SLC10A7: variants seen among roughly 807,000 people sequenced by gnomAD.
SLC10A7 encodes the protein solute carrier family 10 member 7.
A neutral mutation model predicts 43.2 loss-of-function variants in SLC10A7; 29 were observed. The ratio of observed to expected loss-of-function variants is 0.67; its 90% CI spans 0.50 to 0.92. SLC10A7 has a LOEUF of 0.92. SLC10A7 is among the 40% of genes least tolerant of loss of function. The pLI is 0.00. For synonymous variants in SLC10A7, 152 were observed against 144.8 expected, an observed-to-expected ratio of 1.05 and a Z score of -0.35; for missense variants, 295 against 403.2, an observed-to-expected ratio of 0.73 and a Z score of 2.30.
At chr4:146,400,889 G>T (rs928710536) in intron 5 of SLC10A7, among the ~76,000 whole-genome samples, 5 of 152,176 alleles carry the variant, frequency 3.3e-5, no homozygotes, top group Non-Finnish European at 7.3e-5. Context: ...AAGTGAGTCT[G>T]CATGCACTAA....
chr4:146,276,581 A>G (rs1729220703), intron 10 of SLC10A7, among the ~76,000 whole-genome samples: 1 of 152,188 alleles, frequency 6.6e-6, no homozygotes, highest in Non-Finnish European at 1.5e-5. Context: ...AATAAAAGAA[A>G]TCTTATGCAA....
intron 4 of SLC10A7, among the ~76,000 whole-genome samples, chr4:146,496,940 A>G (rs1735954499): frequency 6.6e-6 from 1 of 152,184 alleles, no homozygotes; most frequent in Non-Finnish European, 1.5e-5. Flanking sequence ...ATGCTTAACA[A>G]TTGGTTGAAT....
At chr4:146,510,990 T>C (rs139835715) in intron 2 of SLC10A7, among the ~76,000 whole-genome samples, 137 of 152,348 alleles carry the variant, frequency 9.0e-4, no homozygotes, top group Non-Finnish European at 1.4e-3. Context: ...TCACTTTACA[T>C]GTTATCTCAC....
At chr4:146,487,162 C>CA (rs1462451550) in intron 4 of SLC10A7, among the ~76,000 whole-genome samples, 37 of 152,010 alleles carry the variant, frequency 2.4e-4, no homozygotes, top group Admixed American at 2.4e-3. Context: ...AGAGGCTTTT[C>CA]AAAAAAATGC....
intron 4 of SLC10A7, among the ~76,000 whole-genome samples, chr4:146,469,069 G>A (rs900812934): frequency 6.6e-6 from 1 of 152,064 alleles, no homozygotes; most frequent in Non-Finnish European, 1.5e-5. Context: ...GCTGAATGGG[G>A]AGCACAACCA....
At chr4:146,405,326 G>A (rs1042374322) in intron 5 of SLC10A7, among the ~76,000 whole-genome samples, 1 of 151,966 alleles carries the variant, frequency 6.6e-6, no homozygotes, top group African/African-American at 2.4e-5. Context: ...GTCCTTATAT[G>A]TCAATTCCTC....
chr4:146,485,876 C>T lies in SLC10A7; in HGVS notation c.396+17973G>A, dbSNP rs143840236. Among the ~76,000 whole-genome samples, 524 of 150,748 alleles carry T rather than the reference C, an allele frequency of 3.5e-3. 5 individuals carry two copies. Among genetic ancestry groups the T allele is most frequent in the African/African-American group, 0.012 (499 of 40,878 alleles). On this transcript the variant is annotated intron_variant, in intron 4 of 11. Coordinates refer to ENST00000335472, the MANE Select transcript of SLC10A7 (RefSeq NM_001029998.6). ...CAGAAGAGATAAGGAGAGACAATGA[C>T]GAAAGAAAAGGAGGGAAAAGGCAGG...
intron 10 of SLC10A7, among the ~76,000 whole-genome samples, chr4:146,259,342 A>C (rs947305998): frequency 1.3e-5 from 2 of 152,228 alleles, no homozygotes; most frequent in Non-Finnish European, 2.9e-5. Flanking sequence ...ATTTTAGTCA[A>C]CTGGACCTTA....
intron 5 of SLC10A7, among the ~76,000 whole-genome samples, chr4:146,333,946 C>A (rs1733708272): frequency 6.6e-6 from 1 of 152,054 alleles, no homozygotes; most frequent in Non-Finnish European, 1.5e-5. Flanking sequence ...GGATCTTAGT[C>A]ATCAAGATGG....
chr4:146,440,297 T>TTTTC (rs1730503284), intron 5 of SLC10A7, among the ~76,000 whole-genome samples: 1 of 151,884 alleles, frequency 6.6e-6, no homozygotes, highest in African/African-American at 2.4e-5. Flanking sequence ...TTTCTTTTTT[T>TTTTC]TTTTGAGACA....
At chr4:146,407,650 A>C (rs1301402393) in intron 5 of SLC10A7, among the ~76,000 whole-genome samples, 1 of 152,230 alleles carries the variant, frequency 6.6e-6, no homozygotes, top group Non-Finnish European at 1.5e-5. Context: ...ATCTTTAAAC[A>C]AACAGCTACT....
chr4:146,324,377 T>C (rs72729818), intron 6 of SLC10A7, among the ~76,000 whole-genome samples: 6,451 of 152,236 alleles, frequency 0.042, 172 homozygotes, highest in Middle Eastern at 0.071. Context: ...TCTTTGGTTC[T>C]TTAATCACAA....
chr4:146,429,654 C>G (rs889199508), intron 5 of SLC10A7, among the ~76,000 whole-genome samples: 6 of 149,238 alleles, frequency 4.0e-5, no homozygotes, highest in African/African-American at 1.5e-4. Flanking sequence ...TTCAAATTAA[C>G]TACACTAACC....
At chr4:146,417,920 G>C (rs1728686037) in intron 5 of SLC10A7, among the ~76,000 whole-genome samples, 1 of 152,010 alleles carries the variant, frequency 6.6e-6, no homozygotes, top group African/African-American at 2.4e-5. Context: ...TGAAAGGTTT[G>C]CAGCCAGCAT....
chr4:146,493,232 GA>G (rs1162871159), intron 4 of SLC10A7, among the ~76,000 whole-genome samples: 7 of 152,252 alleles, frequency 4.6e-5, no homozygotes, highest in African/African-American at 1.7e-4. Context: ...TTAGCTAAAA[GA>G]AAAGTTAGAA....
chr4:146,425,245 A>T (rs1729252827), intron 5 of SLC10A7, among the ~76,000 whole-genome samples: 1 of 152,246 alleles, frequency 6.6e-6, no homozygotes, highest in Non-Finnish European at 1.5e-5. Context: ...AAGAATAGAC[A>T]TCAAATTATA....
chr4:146,420,630 C>T (rs748448093), intron 5 of SLC10A7, among the ~76,000 whole-genome samples: 9 of 152,222 alleles, frequency 5.9e-5, no homozygotes, highest in African/African-American at 2.2e-4. Flanking sequence ...ATTATTTGGT[C>T]TACTCTGCAT....
At chr4:146,468,186 T>C (rs1733222182) in intron 4 of SLC10A7, among the ~76,000 whole-genome samples, 1 of 152,168 alleles carries the variant, frequency 6.6e-6, no homozygotes, top group African/African-American at 2.4e-5. Context: ...AAGAATTTTG[T>C]GAGAATTAAA....
At chr4:146,499,632 C>A (rs1346950554) in intron 4 of SLC10A7, among the ~76,000 whole-genome samples, 2 of 152,018 alleles carry the variant, frequency 1.3e-5, no homozygotes, top group Non-Finnish European at 2.9e-5. Context: ...AAGGTAGGAC[C>A]AAACTGGACT....
Sources: allele counts gnomAD v4.1 joint callset (sites outside exome capture counted in the v4.1 genomes callset), GRCh38; gene constraint gnomAD v4.1.1; transcripts MANE v1.5; gene names NCBI Gene and HGNC (gene_info 2026-07-23, HGNC 2026-07-21).